HIF1A: variants seen among roughly 807,000 people sequenced by gnomAD.
HIF1A encodes the protein hypoxia inducible factor 1 subunit alpha.
A neutral mutation model predicts 92.7 loss-of-function variants in HIF1A; 24 were observed. That is an observed-to-expected ratio of 0.26 (90% CI 0.19 to 0.36). The LOEUF is 0.36. Ranked by LOEUF, HIF1A falls within the 10% of genes least tolerant of loss-of-function variation. The probability of loss-of-function intolerance (pLI) is 1.00; values close to 1 mark genes in which losing one functional copy is unlikely to be tolerated. For missense variants in HIF1A, 799 were observed against 998.5 expected, an observed-to-expected ratio of 0.80 and a Z score of 2.69; for synonymous variants, 319 against 338.7, an observed-to-expected ratio of 0.94 and a Z score of 0.64.
At chr14:61,705,935 T>C (rs1594858382) in intron 1 of HIF1A, among the ~76,000 whole-genome samples, 1 of 152,312 alleles carries the variant, frequency 6.6e-6, no homozygotes, top group Non-Finnish European at 1.5e-5. Context: ...CTTTCTATTG[T>C]ACACCCTTAT....
intron 1 of HIF1A, among the ~76,000 whole-genome samples, chr14:61,713,914 C>T (rs890315315): frequency 2.6e-5 from 4 of 152,060 alleles, no homozygotes; most frequent in South Asian, 2.1e-4. Context: ...AGTTGGTGTC[C>T]GCTGCAGAAC....
Position 61,721,734 on chromosome 14 carries a change from T to A in HIF1A, c.373-5T>A. On this transcript the variant is annotated splice_region_variant and splice_polypyrimidine_tract_variant and intron_variant, in intron 3 of 14. Coordinates refer to ENST00000337138, the MANE Select transcript of HIF1A (RefSeq NM_001530.4). Reference sequence around the variant, plus strand: ...TAGCCCTAATTTTTAAAAATGTGTTTACAGTTTGAACTAACTGGACACAGT... The same window carrying A: ...TAGCCCTAATTTTTAAAAATGTGTTAACAGTTTGAACTAACTGGACACAGT... 6.2e-7 allele frequency: 1 copy of A among 1,612,946 alleles called. No homozygotes were observed.
At chr14:61,726,040 G>A (rs548593363) in intron 4 of HIF1A, among the ~76,000 whole-genome samples, 1 of 148,624 alleles carries the variant, frequency 6.7e-6, no homozygotes, top group East Asian at 2.0e-4. Context: ...GGCCGGTTTC[G>A]AACTCCTGAC....
intron 10 of HIF1A, among the ~76,000 whole-genome samples, chr14:61,738,610 G>A (rs999508559): frequency 1.3e-5 from 2 of 152,092 alleles, no homozygotes; most frequent in Non-Finnish European, 2.9e-5. Context: ...TAAACCAAAA[G>A]GTGAAACGTA....
intron 1 of HIF1A, among the ~76,000 whole-genome samples, chr14:61,698,459 G>A (rs1208618926): frequency 6.6e-6 from 1 of 152,236 alleles, no homozygotes; most frequent in African/African-American, 2.4e-5. Flanking sequence ...AAGGTTAAAT[G>A]AGATAATGCT....
intron 8 of HIF1A, among the ~76,000 whole-genome samples, chr14:61,735,687 G>GT (rs1256781364): frequency 6.6e-6 from 1 of 152,178 alleles, no homozygotes; most frequent in Non-Finnish European, 1.5e-5. Context: ...TAAGCCAAAC[G>GT]TGAAGATAAA....
chr14:61,721,188 C>T (rs994291812), intron 2 of HIF1A, among the ~76,000 whole-genome samples: 2 of 152,146 alleles, frequency 1.3e-5, no homozygotes, highest in Non-Finnish European at 2.9e-5. Flanking sequence ...TTGCAGTAAG[C>T]CGAGATCAAG....
intron 5 of HIF1A, 59 bp downstream of exon 5, chr14:61,726,877 A>G: frequency 1.0e-6 from 1 of 956,084 alleles, no homozygotes; most frequent in Non-Finnish European, 1.6e-6. Flanking sequence ...ACATTGTAGT[A>G]TTAAGATAAC....
rs113855813 is a variant in HIF1A at position 61,695,871 on chromosome 14, C to T, written c.35+32C>T. On this transcript the variant is annotated intron_variant, in intron 1 of 14. Transcript: ENST00000337138. Reference sequence around the variant, plus strand: ...CCATTCCCTCGGCCCGCCGCCTTCTCCCCCGGCGACCCCGCCCGCCTGCCC... The same window carrying T: ...CCATTCCCTCGGCCCGCCGCCTTCTTCCCCGGCGACCCCGCCCGCCTGCCC... 1,006 of 1,550,070 alleles carry T rather than the reference C, an allele frequency of 6.5e-4. 10 individuals are homozygous for T. The African/African-American group carries it at 0.011, about 17-fold the overall frequency.
chr14:61,695,701 A>C lies in HIF1A; in HGVS notation c.-104A>C. 1.6e-6 allele frequency: 2 copies of C among 1,289,280 alleles called. No homozygotes were observed. The highest frequency in any genetic ancestry group is 2.6e-5 in the South Asian group (2 of 76,692). The allele number at this position is 1,289,280 out of a possible 1,614,324, so 79.9% of individuals were successfully genotyped here. On this transcript the variant is annotated 5_prime_UTR_variant, in exon 1 of 15. Coordinates refer to ENST00000337138, the MANE Select transcript of HIF1A (RefSeq NM_001530.4). Reference sequence around the variant, plus strand: ...TCCCGCCTCGCACCCCCACCTCTGGACTTGCCTTTCCTTCTCTTCTCCGCG... The same window carrying C: ...TCCCGCCTCGCACCCCCACCTCTGGCCTTGCCTTTCCTTCTCTTCTCCGCG...
At position 61,740,616 on chromosome 14, in the gene HIF1A, T is replaced by C. The variant is rs1251904621; in HGVS notation, c.1648T>C (p.Phe550Leu). 12 of 1,602,224 alleles carry C rather than the reference T, an allele frequency of 7.5e-6. No homozygotes were observed. Among genetic ancestry groups the C allele is most frequent in the African/African-American group, 1.4e-5 (1 of 74,024 alleles). ...FAEDTEAKNP[F>L]STQDTDLDLE... ...TGAAGACACAGAAGCAAAGAACCCA[T>C]TTTCTACTCAGGTATATGAACTTAT... The change falls in exon 11 of 15, where the codon TTT becomes CTT. Residue 550 changes from phenylalanine (F) to leucine (L), a missense_variant. By Grantham distance (22) the Phe-to-Leu change is conservative. Around this residue, in one of 2 missense-constraint regions of HIF1A, gnomAD observed 516 missense variants for 721.0 expected, o/e 0.72. Transcript: ENST00000337138.
In HIF1A at chr14:61,721,596, A is replaced by G. The variant is rs139400630; in HGVS notation, c.314A>G (p.Asp105Gly). The change falls in exon 3 of 15, where the codon GAT (aspartate) becomes GGT (glycine). Residue 105 changes from aspartate (D) to glycine (G), a missense_variant. This residue lies in a region of HIF1A where 516 missense variants were observed against 721.0 expected (regional missense o/e 0.72). Coordinates refer to ENST00000337138, the MANE Select transcript of HIF1A (RefSeq NM_001530.4). The stretch of plus-strand genomic sequence containing the variant: ...GATGGTTTTGTTATGGTTCTCACAG[A>G]TGATGGTGACATGATTTACATTTCT... ...ALDGFVMVLTDDGDMIYISDN... is the reference protein window; with the variant it reads ...ALDGFVMVLTGDGDMIYISDN... The G allele has an allele frequency of 1.5e-5, 25 of 1,613,128 alleles. No individual in the cohort carries two copies. The African/African-American group carries it at 3.2e-4, about 21-fold the overall frequency.
Position 61,738,299 on chromosome 14 carries a change from T to A in HIF1A, c.1462T>A (p.Ser488Thr), listed in dbSNP as rs764960611. The A allele has an allele frequency of 6.2e-7, 1 of 1,614,166 alleles. No individual in the cohort carries two copies. The highest frequency in any genetic ancestry group is 1.1e-5 in the South Asian group (1 of 91,082). Residue 488 changes from serine to threonine, a missense_variant, in exon 10 of 15, where the codon TCT becomes ACT. Physicochemically the swap from Ser to Thr is moderately conservative, Grantham distance 58. This residue lies in a region of HIF1A where 516 missense variants were observed against 721.0 expected (regional missense o/e 0.72). Transcript: ENST00000337138. ...ACCAAATCCAGAGTCACTGGAACTTTCTTTTACCATGCCCCAGATTCAGGA... is the reference window on the plus strand; with the variant it reads ...ACCAAATCCAGAGTCACTGGAACTTACTTTTACCATGCCCCAGATTCAGGA... ...LEPNPESLEL[S>T]FTMPQIQDQT...
chr14:61,708,419 C>T lies in HIF1A; in HGVS notation c.36-11963C>T, dbSNP rs1000895351. On this transcript the variant is annotated intron_variant, in intron 1 of 14. Transcript: ENST00000337138. ...ATGGTATTGCCTAGGTTTTATTCTA[C>T]GGTTTTTATGGTTTTAGGTCTAACA... is the stretch of plus-strand genomic sequence containing the variant. Among the ~76,000 whole-genome samples, 51 of 152,220 alleles carry T rather than the reference C, an allele frequency of 3.4e-4. 4 individuals carry two copies. Among genetic ancestry groups the T allele is most frequent in the Admixed American group, 2.4e-3 (36 of 15,280 alleles).
At chr14:61,729,466 A>G (rs1566571519) in intron 6 of HIF1A, among the ~76,000 whole-genome samples, 2 of 150,242 alleles carry the variant, frequency 1.3e-5, no homozygotes, top group Non-Finnish European at 3.0e-5. Flanking sequence ...CATCTCAAAA[A>G]ACAAAAACAA....
chr14:61,711,278 C>T (rs2044305082), intron 1 of HIF1A, among the ~76,000 whole-genome samples: 1 of 142,026 alleles, frequency 7.0e-6, no homozygotes, highest in Admixed American at 7.3e-5. Flanking sequence ...AATCACAGCT[C>T]ACTGCAGCCT....
chr14:61,746,874 G>A, intron 14 of HIF1A, 60 bp from the exon 15 acceptor site: 1 of 1,349,100 alleles, frequency 7.4e-7, no homozygotes, highest in Non-Finnish European at 1.0e-6. Context: ...CATTGTGGGT[G>A]TTTAATAAAT....
chr14:61,740,357 G>A, intron 10 of HIF1A, 148 bp from the exon 11 acceptor site: 3 of 585,654 alleles, frequency 5.1e-6, no homozygotes, highest in East Asian at 3.0e-5. Context: ...GAGCCACTGA[G>A]CCCGGCCTAG....
rs184752499 is a variant in HIF1A, at chr14:61,719,670, A to C, written c.36-712A>C. 3.5e-4 allele frequency among the ~76,000 whole-genome samples: 53 copies of C among 152,226 alleles called. No individual in the cohort carries two copies. The East Asian group carries it at 6.0e-3, about 17-fold the overall frequency. On this transcript the variant is annotated intron_variant, in intron 1 of 14. Coordinates refer to ENST00000337138, the MANE Select transcript of HIF1A (RefSeq NM_001530.4). ...CCTGAAGATATGTCATTGTATTGAC[A>C]CCTTTATTTTTGCTAACCTATCCCT...
Sources: allele counts gnomAD v4.1 joint callset (sites outside exome capture counted in the v4.1 genomes callset), GRCh38; gene constraint gnomAD v4.1.1; regional missense constraint gnomAD v4.1.1; transcripts MANE v1.5; gene names NCBI Gene and HGNC (gene_info 2026-07-23, HGNC 2026-07-21).